TSNARE1: variants seen among roughly 807,000 people sequenced by gnomAD.
TSNARE1 encodes the protein t-SNARE domain-containing protein 1.
In TSNARE1, 49 loss-of-function variants were observed where a neutral mutation model predicts 62.0. The observed-to-expected ratio is 0.79, with a 90% CI of 0.63 to 1.00. The LOEUF is 1.00. TSNARE1 is among the 50% of genes least tolerant of loss of function. The pLI is 0.00. For synonymous variants in TSNARE1, 328 were observed against 294.4 expected (o/e 1.11, Z -1.17); for missense variants, 755 against 700.1 (o/e 1.08, Z -0.88).
chr8:142,271,660 C>G, intron 12 of TSNARE1: 1 of 1,396,878 alleles, frequency 7.2e-7, no homozygotes, highest in Non-Finnish European at 9.3e-7. Flanking sequence ...GGGGCAGCCA[C>G]AAGCAGCTGG....
chr8:142,246,786 T>C (rs2130242549), intron 12 of TSNARE1, among the ~76,000 whole-genome samples: 1 of 152,328 alleles, frequency 6.6e-6, no homozygotes, highest in African/African-American at 2.4e-5. Context: ...GCTGTGCCTC[T>C]GCCTTCTGAG....
chr8:142,274,928 C>G (rs1012328005), intron 11 of TSNARE1, 65 bp from the exon 12 acceptor site: 57 of 1,428,792 alleles, frequency 4.0e-5, no homozygotes, highest in Non-Finnish European at 5.0e-5. Context: ...CCTGAGGACA[C>G]CCCCCAAAGG....
intron 2 of TSNARE1, among the ~76,000 whole-genome samples, chr8:142,354,396 C>G (rs985798540): frequency 6.6e-6 from 1 of 152,134 alleles, no homozygotes; most frequent in Non-Finnish European, 1.5e-5. Context: ...AGTGCCAGCT[C>G]CATGCCCAGC....
intron 12 of TSNARE1, among the ~76,000 whole-genome samples, chr8:142,267,709 C>A (rs1353700109): frequency 6.6e-6 from 1 of 152,210 alleles, no homozygotes; most frequent in Non-Finnish European, 1.5e-5. Context: ...GCCCTGCAGG[C>A]AAGCTCCGCC....
At chr8:142,297,486 C>T (rs898026895) in intron 10 of TSNARE1, among the ~76,000 whole-genome samples, 3 of 152,210 alleles carry the variant, frequency 2.0e-5, no homozygotes, top group Non-Finnish European at 4.4e-5. Context: ...CTCAAGTCTG[C>T]CCTAGGGGAC....
chr8:142,224,737 G>GA (rs1212190542), intron 13 of TSNARE1, among the ~76,000 whole-genome samples: 1 of 1,858 alleles, frequency 5.4e-4, no homozygotes, highest in Non-Finnish European at 2.1e-3. Context: ...TCTGGGGGCT[G>GA]GCCTCTTGGA....
intron 12 of TSNARE1, among the ~76,000 whole-genome samples, chr8:142,263,772 A>G (rs1211744857): frequency 2.0e-5 from 3 of 152,196 alleles, no homozygotes; most frequent in African/African-American, 7.2e-5. Flanking sequence ...TGTTGGCATG[A>G]GATTATCCAT....
chr8:142,233,745 C>T (rs144090275), intron 12 of TSNARE1, among the ~76,000 whole-genome samples: 180 of 152,294 alleles, frequency 1.2e-3, no homozygotes, highest in African/African-American at 4.1e-3. Flanking sequence ...CCCTGCAGGG[C>T]GTACGCAAGG....
intron 10 of TSNARE1, among the ~76,000 whole-genome samples, chr8:142,290,674 C>T (rs1236873503): frequency 6.6e-6 from 1 of 152,252 alleles, no homozygotes; most frequent in Non-Finnish European, 1.5e-5. Context: ...TTTGTCCACT[C>T]GCCCATTTAT....
chr8:142,350,403 A>G (rs574617760), intron 2 of TSNARE1, among the ~76,000 whole-genome samples: 1 of 152,262 alleles, frequency 6.6e-6, no homozygotes, highest in East Asian at 1.9e-4. Context: ...AAACTGACCC[A>G]AGAAGAAACA....
chr8:142,278,543 C>A (rs1011427253), intron 11 of TSNARE1: 1 of 985,414 alleles, frequency 1.0e-6, no homozygotes, highest in Admixed American at 6.1e-5. Context: ...GAGCTCCTGG[C>A]ACGGTGTCTT....
chr8:142,227,124 A>ACTGC (rs1816845548), intron 13 of TSNARE1, among the ~76,000 whole-genome samples: 1 of 111,490 alleles, frequency 9.0e-6, no homozygotes, highest in African/African-American at 3.6e-5. Flanking sequence ...TGACAGCCAG[A>ACTGC]ACCCCCACTG....
intron 4 of TSNARE1, among the ~76,000 whole-genome samples, chr8:142,332,595 T>TATGAGGACAGCAAGTCCTC (rs1183726373): frequency 4.6e-5 from 7 of 152,138 alleles, no homozygotes; most frequent in African/African-American, 1.7e-4. Flanking sequence ...TACAGAACAC[T>TATGAGGACAGCAAGTCCTC]ATGAGGACAG....
At chr8:142,366,900 G>C (rs1054961242) in intron 1 of TSNARE1, among the ~76,000 whole-genome samples, 7 of 152,072 alleles carry the variant, frequency 4.6e-5, no homozygotes, top group African/African-American at 1.2e-4. Flanking sequence ...GTTAAAATCT[G>C]AACAATAAAA....
rs763991843 is a variant in TSNARE1 at position 142,330,922 on chromosome 8, G to A, written c.872C>T (p.Thr291Met). Residue 291 changes from threonine to methionine, a missense_variant, in exon 6 of 14, where the codon ACG becomes ATG. Transcript: ENST00000524325. The part of the protein sequence containing the change: ...SLQSLGTPSD[T>M]QELRDSLHTA... ...TCACAGGCTGTCCCGAAGCTCCTGC[G>A]TGTCACTCGGTGTCCCTAAGGACTG... is the stretch of plus-strand genomic sequence containing the variant. 33 of 1,613,986 alleles carry A rather than the reference G, an allele frequency of 2.0e-5. No individual in the cohort carries two copies. Among genetic ancestry groups the A allele is most frequent in the East Asian group, 4.5e-5 (2 of 44,886 alleles).
Position 142,289,758 on chromosome 8 carries a change from C to T in TSNARE1, c.1291-5273G>A, listed in dbSNP as rs566607528. On this transcript the variant is annotated intron_variant, in intron 10 of 13. Coordinates refer to ENST00000524325, the MANE Select transcript of TSNARE1 (RefSeq NM_145003.5). ...TCTCTTCCTCCATCATGGGAGGCCG[C>T]CGGGACTTACTGGGGATTCTCCTTC... is the stretch of plus-strand genomic sequence containing the variant. Among the ~76,000 whole-genome samples the T allele has an allele frequency of 2.0e-5, 3 of 152,352 alleles. No homozygotes were observed. The East Asian group carries it at 5.8e-4, about 29-fold the overall frequency.
chr8:142,388,452 T>C (rs4928693), intron 1 of TSNARE1, among the ~76,000 whole-genome samples: 24,698 of 145,844 alleles, frequency 0.17, 2,170 homozygotes, highest in East Asian at 0.22. Context: ...TAACCATCAC[T>C]ATTTGCAGTT....
intron 4 of TSNARE1, among the ~76,000 whole-genome samples, chr8:142,343,418 G>A (rs543371357): frequency 2.6e-5 from 4 of 151,960 alleles, no homozygotes; most frequent in South Asian, 2.1e-4. Flanking sequence ...GCGTCGGCAC[G>A]GCTAGAAATG....
intron 3 of TSNARE1, among the ~76,000 whole-genome samples, chr8:142,345,486 C>T (rs1833229826): frequency 6.6e-6 from 1 of 152,210 alleles, no homozygotes; most frequent in African/African-American, 2.4e-5. Context: ...GCGGGAGCAC[C>T]CCTGCTCAGT....
Sources: gnomAD v4.1 joint callset for allele counts (sites outside exome capture counted in the v4.1 genomes callset) on GRCh38, gnomAD v4.1.1 for gene constraint, MANE v1.5 for transcripts, NCBI Gene and HGNC (gene_info 2026-07-23, HGNC 2026-07-21) for gene names.